F13B: variants seen among roughly 807,000 people sequenced by gnomAD.
F13B encodes the protein TGase.
F13B carries 58 observed loss-of-function variants against 79.8 expected under a neutral mutation model. The ratio of observed to expected loss-of-function variants is 0.73; its 90% CI spans 0.59 to 0.90. The LOEUF (loss-of-function observed/expected upper bound fraction) is 0.90. Among genes scored for constraint, F13B ranks in the 40% least tolerant of loss-of-function variants. F13B has a pLI of 0.00. For synonymous variants in F13B, 283 were observed against 260.3 expected, an observed-to-expected ratio of 1.09 and a Z score of -0.84; for missense variants, 773 against 777.0, an observed-to-expected ratio of 0.99 and a Z score of 0.06.
chr1:197,043,355 T>C (rs993593288), intron 10 of F13B, among the ~76,000 whole-genome samples: 8 of 152,220 alleles, frequency 5.3e-5, no homozygotes, highest in African/African-American at 1.9e-4. Flanking sequence ...AGCCAGAGGA[T>C]GAGATGAGTC....
At chr1:197,053,186 T>TG (rs1389762529) in intron 8 of F13B, among the ~76,000 whole-genome samples, 8 of 152,130 alleles carry the variant, frequency 5.3e-5, no homozygotes, top group Admixed American at 6.6e-5. Context: ...CCAAGACTCC[T>TG]GCTCCCATGG....
At chr1:197,057,534 TATTC>T in intron 5 of F13B, 69 bp from the exon 6 acceptor site, 2 of 1,474,998 alleles carry the variant, frequency 1.4e-6, no homozygotes, top group East Asian at 4.9e-5. Context: ...TAAATTAAAA[TATTC>T]ATCATGTCAA....
At chr1:197,046,258 A>G (rs1655226357) in intron 10 of F13B, among the ~76,000 whole-genome samples, 1 of 152,238 alleles carries the variant, frequency 6.6e-6, no homozygotes, top group South Asian at 2.1e-4. Context: ...TTATATATTT[A>G]GAAAACCCCA....
intron 5 of F13B, among the ~76,000 whole-genome samples, chr1:197,057,670 A>G (rs1403875743): frequency 6.6e-6 from 1 of 152,112 alleles, no homozygotes; most frequent in Non-Finnish European, 1.5e-5. Context: ...CTTCTAGCCC[A>G]CAAAATACAG....
At chr1:197,048,381 A>G (rs1655316722) in intron 10 of F13B, among the ~76,000 whole-genome samples, 1 of 152,130 alleles carries the variant, frequency 6.6e-6, no homozygotes, top group Admixed American at 6.6e-5. Flanking sequence ...TATATTGCTT[A>G]TAAGAGAGGC....
chr1:197,057,500 A>G, intron 5 of F13B, 35 bp from the exon 6 acceptor site: 1 of 1,589,988 alleles, frequency 6.3e-7, no homozygotes, highest in South Asian at 1.1e-5. Flanking sequence ...CTTTAGTCAT[A>G]TAATTACAAA....
rs5999 is a variant in F13B at position 197,057,135 on chromosome 1, T to C, written c.1049A>G (p.His350Arg). ...ATCCCCATTGTAATAAATCTTAGAG[T>C]GTAAATTTGCTGCACCATTTTCAAT... ...PFIENGAANL[H>R]SKIYYNGDKV... Residue 350 changes from histidine (H) to arginine (R), a missense_variant, in exon 7 of 12, where the codon CAC (histidine) becomes CGC (arginine). Coordinates refer to ENST00000367412, the MANE Select transcript of F13B (RefSeq NM_001994.3). The C allele has an allele frequency of 1.6e-3, 2,573 of 1,613,814 alleles. 21 individuals carry two copies. In the African/African-American group the frequency reaches 0.026, roughly 16 times the overall value.
chr1:197,067,072 A>C, intron 1 of F13B, 88 bp downstream of exon 1: 1 of 632,684 alleles, frequency 1.6e-6, no homozygotes. Context: ...ATGAAAATAG[A>C]AGAGTATATT....
intron 2 of F13B, 72 bp downstream of exon 2, chr1:197,062,785 A>G: frequency 6.9e-6 from 10 of 1,450,608 alleles, no homozygotes; most frequent in East Asian, 2.3e-5. Flanking sequence ...TTCCATTTTT[A>G]TTGGACCCCT....
Position 197,057,399 on chromosome 1 carries a change from G to A in F13B, c.872C>T (p.Thr291Ile), listed in dbSNP as rs769037761. The A allele has an allele frequency of 7.4e-6, 12 of 1,613,812 alleles. No individual in the cohort carries two copies. The highest frequency in any genetic ancestry group is 1.3e-5 in the African/African-American group (1 of 74,906). ...INSKIQTHSTTYRHGEIVHIE... is the reference protein window; with the variant it reads ...INSKIQTHSTIYRHGEIVHIE... ...ATGAACTATTTCTCCATGACGATAA[G>A]TTGTTGAATGTGTTTGAATTTTGGA... The change falls in exon 6 of 12, where the codon ACT (threonine) becomes ATT (isoleucine). Residue 291 changes from threonine to isoleucine, a missense_variant. Transcript: ENST00000367412.
intron 10 of F13B, among the ~76,000 whole-genome samples, chr1:197,041,570 T>C (rs959249000): frequency 5.3e-5 from 8 of 151,004 alleles, no homozygotes; most frequent in Admixed American, 4.0e-4. Flanking sequence ...ATATCAATCA[T>C]ATACCTGTAG....
intron 5 of F13B, among the ~76,000 whole-genome samples, chr1:197,059,110 G>A (rs1184651737): frequency 6.6e-6 from 1 of 152,078 alleles, no homozygotes; most frequent in Non-Finnish European, 1.5e-5. Context: ...CAGCTACTCA[G>A]GAGGCTGAGG....
chr1:197,066,829 A>T (rs962171636), intron 1 of F13B, among the ~76,000 whole-genome samples: 1 of 152,154 alleles, frequency 6.6e-6, no homozygotes, highest in African/African-American at 2.4e-5. Flanking sequence ...TTCTAGCATA[A>T]ATTTAGAATT....
intron 5 of F13B, among the ~76,000 whole-genome samples, chr1:197,059,170 C>T (rs1336224310): frequency 2.0e-5 from 3 of 152,094 alleles, no homozygotes; most frequent in African/African-American, 7.2e-5. Flanking sequence ...GAGCTGAGAT[C>T]GTGCCACTGC....
chr1:197,052,927 G>A, intron 8 of F13B, 93 bp from the exon 9 acceptor site: 2 of 926,126 alleles, frequency 2.2e-6, no homozygotes, highest in Non-Finnish European at 3.4e-6. Flanking sequence ...AGTTTCAAAA[G>A]CAATATTTTA....
chr1:197,053,521 T>A (rs1345300228), intron 8 of F13B, among the ~76,000 whole-genome samples: 1 of 152,136 alleles, frequency 6.6e-6, no homozygotes, highest in African/African-American at 2.4e-5. Flanking sequence ...TCTTCTACCA[T>A]GATTGTGAGG....
At chr1:197,063,530 C>T (rs941034749) in intron 1 of F13B, among the ~76,000 whole-genome samples, 16 of 152,074 alleles carry the variant, frequency 1.1e-4, no homozygotes, top group African/African-American at 2.4e-4. Flanking sequence ...CTGTTGCTCA[C>T]GCTGGTCTCA....
At position 197,061,933 on chromosome 1, in the gene F13B, A is replaced by T. The variant is rs753009140; in HGVS notation, c.302T>A (p.Ile101Asn). The T allele has an allele frequency of 2.6e-5, 42 of 1,612,810 alleles. No homozygotes were observed. The highest frequency in any genetic ancestry group is 3.5e-5 in the Non-Finnish European group (41 of 1,179,328). The change falls in exon 3 of 12, where the codon ATC becomes AAC. Residue 101 changes from isoleucine to asparagine, a missense_variant. Physicochemically the swap from Ile to Asn is moderately radical, Grantham distance 149 (BLOSUM62 -3). Coordinates refer to ENST00000367412, the MANE Select transcript of F13B (RefSeq NM_001994.3). The stretch of plus-strand genomic sequence containing the variant: ...TTTATACAATAACTTTACATCAGAG[A>T]TGTAACCATTACTCAGGTCAGGCTT... Reference protein sequence around the residue: ...CTKPDLSNGYISDVKLLYKIQ... With the variant: ...CTKPDLSNGYNSDVKLLYKIQ...
At chr1:197,041,810 A>G (rs1446846924) in intron 10 of F13B, among the ~76,000 whole-genome samples, 3 of 152,198 alleles carry the variant, frequency 2.0e-5, no homozygotes, top group Non-Finnish European at 4.4e-5. Flanking sequence ...GAGGTGCAAC[A>G]ACGAAACTAG....
Sources: gnomAD v4.1 joint callset for allele counts (sites outside exome capture counted in the v4.1 genomes callset) on GRCh38, gnomAD v4.1.1 for gene constraint, MANE v1.5 for transcripts, NCBI Gene and HGNC (gene_info 2026-07-23, HGNC 2026-07-21) for gene names.